The following GNAL variants were observed in gnomAD, a reference collection of about 807,000 sequenced individuals.
The protein encoded by GNAL is guanine nucleotide-binding protein G(olf) subunit alpha.
GNAL carries 18 observed loss-of-function variants against 55.1 expected under a neutral mutation model. The ratio of observed to expected loss-of-function variants is 0.33; its 90% CI spans 0.23 to 0.48. The LOEUF is 0.48. Among genes scored for constraint, GNAL ranks in the 20% least tolerant of loss-of-function variants. The probability of loss-of-function intolerance (pLI) is 0.99; values close to 1 mark genes in which losing one functional copy is unlikely to be tolerated. For missense variants in GNAL, 412 were observed against 614.1 expected (o/e 0.67, Z 3.48); for synonymous variants, 253 against 237.0 (o/e 1.07, Z -0.62).
intron 5 of GNAL, 98 bp downstream of exon 5, chr18:11,825,113 G>A: frequency 1.4e-6 from 1 of 707,210 alleles, no homozygotes. Flanking sequence ...TTGAGTGCAA[G>A]GAATGAATAA....
chr18:11,849,961 C>T (rs957035216), intron 5 of GNAL, among the ~76,000 whole-genome samples: 1 of 152,196 alleles, frequency 6.6e-6, no homozygotes, highest in African/African-American at 2.4e-5. Context: ...ACACAGACCC[C>T]TTGCCAGGCA....
chr18:11,754,998 ATGTGTGTGTGTGTG>A (rs59291287), intron 4 of GNAL, among the ~76,000 whole-genome samples: 2 of 149,048 alleles, frequency 1.3e-5, no homozygotes, highest in South Asian at 2.1e-4. Context: ...GTGAGTGTGT[ATGTGTGTGTGTGTG>A]TGTGTGTGTG....
intron 11 of GNAL, among the ~76,000 whole-genome samples, chr18:11,878,866 C>A (rs929344850): frequency 1.3e-5 from 2 of 151,870 alleles, no homozygotes; most frequent in African/African-American, 4.8e-5. Flanking sequence ...CTGCACCCAG[C>A]CAAAAGCCTA....
Position 11,695,770 on chromosome 18 carries a change from C to T in GNAL, c.376+5831C>T, listed in dbSNP as rs187724427. ...GTTTATGTATTTGCTATTTCTCTGTCTGGAATACATCTTTCAAGAAGGAAG... is the reference window on the plus strand; with the variant it reads ...GTTTATGTATTTGCTATTTCTCTGTTTGGAATACATCTTTCAAGAAGGAAG... On this transcript the variant is annotated intron_variant, in intron 1 of 11. Coordinates refer to ENST00000334049, the MANE Select transcript of GNAL (RefSeq NM_182978.4). Among the ~76,000 whole-genome samples, 8 of 152,094 alleles carry T rather than the reference C, an allele frequency of 5.3e-5. No homozygotes were observed. In the East Asian group the frequency reaches 1.5e-3, roughly 29 times the overall value.
intron 5 of GNAL, chr18:11,853,134 A>C (rs2035920772): frequency 6.0e-6 from 1 of 167,070 alleles, no homozygotes; most frequent in Non-Finnish European, 1.5e-5. Flanking sequence ...TTAAGTTCTA[A>C]TTTGCATTTA....
At chr18:11,697,354 A>G (rs2031443549) in intron 1 of GNAL, among the ~76,000 whole-genome samples, 1 of 152,136 alleles carries the variant, frequency 6.6e-6, no homozygotes, top group South Asian at 2.1e-4. Context: ...CCTGGCCAAC[A>G]TGGTGAAACC....
At chr18:11,705,364 C>T (rs1469712832) in intron 1 of GNAL, among the ~76,000 whole-genome samples, 1 of 152,178 alleles carries the variant, frequency 6.6e-6, no homozygotes, top group Admixed American at 6.5e-5. Context: ...TTCCAGTGGA[C>T]ATTTAGGCTG....
intron 4 of GNAL, among the ~76,000 whole-genome samples, chr18:11,757,792 A>G (rs2033108350): frequency 6.6e-6 from 1 of 152,078 alleles, no homozygotes; most frequent in East Asian, 1.9e-4. Flanking sequence ...GCCATTGCAG[A>G]AGGAAGGGAT....
Position 11,689,431 on chromosome 18 carries a change from G to C in GNAL, c.-133G>C, listed in dbSNP as rs577915504. On this transcript the variant is annotated 5_prime_UTR_variant, in exon 1 of 12. Coordinates refer to ENST00000334049, the MANE Select transcript of GNAL (RefSeq NM_182978.4). ...CCCGCAGCTGGCGGCCGGCAGCGCCGAACAGGGTCCGGGTGCAGCCCCCTC... is the reference window on the plus strand; with the variant it reads ...CCCGCAGCTGGCGGCCGGCAGCGCCCAACAGGGTCCGGGTGCAGCCCCCTC... The C allele has an allele frequency of 2.6e-6, 1 of 391,000 alleles. No individual in the cohort carries two copies. The highest frequency in any genetic ancestry group is 4.0e-5 in the East Asian group (1 of 24,752). The allele number at this position is 391,000 out of a possible 1,614,324, so 24.2% of individuals were successfully genotyped here.
chr18:11,774,553 A>G lies in GNAL; in HGVS notation c.624+20608A>G, dbSNP rs192382266. ...AGCACTTCATGCCAAGAACTGCCCT[A>G]AGCTGTATAACTGCAGCAATCTTAT... On this transcript the variant is annotated intron_variant, in intron 4 of 11. Transcript: ENST00000334049. Among the ~76,000 whole-genome samples, 4 of 152,308 alleles carry G rather than the reference A, an allele frequency of 2.6e-5. No individual in the cohort carries two copies. In the East Asian group the frequency reaches 5.8e-4, roughly 22 times the overall value.
At chr18:11,759,684 G>T (rs535235918) in intron 4 of GNAL, among the ~76,000 whole-genome samples, 2 of 152,242 alleles carry the variant, frequency 1.3e-5, no homozygotes, top group African/African-American at 4.8e-5. Flanking sequence ...TGCAGCTTGG[G>T]CCCTGCATAG....
At chr18:11,856,855 C>T (rs182365079) in intron 5 of GNAL, among the ~76,000 whole-genome samples, 20 of 152,300 alleles carry the variant, frequency 1.3e-4, no homozygotes, top group Admixed American at 1.3e-3. Context: ...TCCCTTGAAC[C>T]CAGGAGGGGG....
At chr18:11,727,389 G>A (rs192078700) in intron 1 of GNAL, among the ~76,000 whole-genome samples, 139 of 152,256 alleles carry the variant, frequency 9.1e-4, no homozygotes, top group African/African-American at 3.1e-3. Context: ...TCAAATAAAT[G>A]TGAGCCCTGG....
intron 1 of GNAL, among the ~76,000 whole-genome samples, chr18:11,734,371 G>A (rs900891477): frequency 3.9e-5 from 6 of 151,992 alleles, no homozygotes; most frequent in African/African-American, 1.5e-4. Context: ...TCGATCCCTT[G>A]ACCTCGTGAT....
At position 11,841,658 on chromosome 18, in the gene GNAL, AAAAAG is replaced by A. The variant is rs1407963061; in HGVS notation, c.722+16647_722+16651del. Among the ~76,000 whole-genome samples, 404 of 151,756 alleles carry A rather than the reference AAAAAG, an allele frequency of 2.7e-3. 1 individual carries two copies. The highest frequency in any genetic ancestry group is 9.2e-3 in the South Asian group (44 of 4,792). ...AGGGTCTGTCTCAAAAAAAAAAAAA[AAAAAG>A]AAAGAAAGAAAGAAATACCTGCTAG... On this transcript the variant is annotated intron_variant, in intron 5 of 11. Transcript: ENST00000334049.
At chr18:11,789,240 C>G (rs2034162564) in intron 4 of GNAL, among the ~76,000 whole-genome samples, 1 of 152,090 alleles carries the variant, frequency 6.6e-6, no homozygotes, top group Non-Finnish European at 1.5e-5. Context: ...CTTAGCTAGC[C>G]TCAGGCAAAA....
intron 4 of GNAL, among the ~76,000 whole-genome samples, chr18:11,782,744 A>G (rs973419476): frequency 1.1e-4 from 16 of 152,192 alleles, no homozygotes; most frequent in Admixed American, 9.8e-4. Flanking sequence ...CATTAACCAG[A>G]TCTATTCACC....
At chr18:11,756,530 A>G (rs978565159) in intron 4 of GNAL, among the ~76,000 whole-genome samples, 2 of 151,244 alleles carry the variant, frequency 1.3e-5, no homozygotes, top group African/African-American at 2.4e-5. Context: ...ATATATATTT[A>G]TGTATATTTA....
Position 11,753,647 on chromosome 18 carries a change from C to G in GNAL, c.469C>G (p.Leu157Val). 6.3e-7 allele frequency: 1 copy of G among 1,598,038 alleles called. No individual in the cohort carries two copies. The highest frequency in any genetic ancestry group is 8.6e-7 in the Non-Finnish European group (1 of 1,165,510). ...FNPEEKKQKI[L>V]DIRKNVKDAI... ...ATACAGGGAAAAGAAACAGAAAATTCTGGACATCCGGAAAAATGTTAAAGA... is the reference window on the plus strand; with the variant it reads ...ATACAGGGAAAAGAAACAGAAAATTGTGGACATCCGGAAAAATGTTAAAGA... The change falls in exon 3 of 12, where the codon CTG becomes GTG. Residue 157 changes from leucine to valine, a missense_variant. Physicochemically the swap from Leu to Val is conservative, Grantham distance 32. Coordinates refer to ENST00000334049, the MANE Select transcript of GNAL (RefSeq NM_182978.4).
Sources: gnomAD v4.1 joint callset for allele counts (sites outside exome capture counted in the v4.1 genomes callset) on GRCh38, gnomAD v4.1.1 for gene constraint, MANE v1.5 for transcripts, NCBI Gene and HGNC (gene_info 2026-07-23, HGNC 2026-07-21) for gene names.